Variants in PCNX2 observed in about 807,000 individuals in gnomAD.
PCNX2 encodes the protein pecanex-like protein 2.
A neutral mutation model predicts 223.8 loss-of-function variants in PCNX2; 168 were observed. The ratio of observed to expected loss-of-function variants is 0.75; its 90% confidence interval spans 0.66 to 0.85. The LOEUF is 0.85. Ranked by LOEUF, PCNX2 falls within the 40% of genes least tolerant of loss-of-function variation. PCNX2 has a pLI of 0.00. For synonymous variants in PCNX2, 1,006 were observed against 1,052.6 expected (o/e 0.96, Z 0.86); for missense variants, 2,507 against 2,675.5 (o/e 0.94, Z 1.39).
At chr1:233,261,598 A>AGTGGCTTCTTACAC (rs1660045372) in intron 3 of PCNX2, among the ~76,000 whole-genome samples, 1 of 152,228 alleles carries the variant, frequency 6.6e-6, no homozygotes, top group Non-Finnish European at 1.5e-5. Context: ...TACTTACACT[A>AGTGGCTTCTTACAC]TAGTGAATGG....
chr1:233,309,068 G>T, the PCNX2 span, among the ~76,000 whole-genome samples: 1 of 152,032 alleles, frequency 6.6e-6, no homozygotes, highest in Non-Finnish European at 1.5e-5. Flanking sequence ...AGACAAACAG[G>T]AAAAAATGTT....
At chr1:233,171,264 T>C (rs1192476548) in intron 17 of PCNX2, among the ~76,000 whole-genome samples, 3 of 152,204 alleles carry the variant, frequency 2.0e-5, no homozygotes, top group South Asian at 2.1e-4. Context: ...TTTTGTTCAC[T>C]TGCAAATCAG....
Position 233,019,144 on chromosome 1 carries a change from C to T in PCNX2, c.4606-1990G>A, listed in dbSNP as rs557120865. The T allele has an allele frequency of 1.5e-5, 15 of 985,392 alleles. No individual in the cohort carries two copies. The African/African-American group carries it at 2.4e-4, about 16-fold the overall frequency. 61.0% of individuals were successfully genotyped at this position (985,392 alleles called of 1,614,324 possible). ...ACAGTCTGTGATTTCCACTAAACAACTGCAAATGCATGACTTAGGCTCTCT... is the reference window on the plus strand; with the variant it reads ...ACAGTCTGTGATTTCCACTAAACAATTGCAAATGCATGACTTAGGCTCTCT... On this transcript the variant is annotated intron_variant, in intron 26 of 33. Coordinates refer to ENST00000258229, the MANE Select transcript of PCNX2 (RefSeq NM_014801.4).
intron 1 of PCNX2, among the ~76,000 whole-genome samples, chr1:233,263,951 G>A (rs900027579): frequency 6.6e-6 from 1 of 152,198 alleles, no homozygotes; most frequent in Non-Finnish European, 1.5e-5. Flanking sequence ...CTGCGATAAC[G>A]CCTGCAGGCC....
At chr1:233,155,161 G>C (rs149652356) in intron 19 of PCNX2, among the ~76,000 whole-genome samples, 2 of 151,950 alleles carry the variant, frequency 1.3e-5, no homozygotes, top group African/African-American at 4.8e-5. Flanking sequence ...CACTATCATA[G>C]TGCACTACAG....
At chr1:233,209,565 T>C (rs529435394) in intron 12 of PCNX2, among the ~76,000 whole-genome samples, 3 of 152,222 alleles carry the variant, frequency 2.0e-5, no homozygotes, top group Non-Finnish European at 4.4e-5. Context: ...TGGTTTCAGA[T>C]GTGAATTTTT....
At chr1:233,217,380 T>C (rs1049677061) in intron 12 of PCNX2, among the ~76,000 whole-genome samples, 5 of 152,212 alleles carry the variant, frequency 3.3e-5, no homozygotes, top group African/African-American at 1.2e-4. Context: ...CATATAATTA[T>C]ATCACTAATA....
intron 19 of PCNX2, among the ~76,000 whole-genome samples, chr1:233,143,971 A>G (rs1677275489): frequency 6.6e-6 from 1 of 152,104 alleles, no homozygotes; most frequent in Admixed American, 6.6e-5. Flanking sequence ...ATCTTCCATT[A>G]AAAATATACC....
At chr1:233,201,025 CAAA>C (rs760282445) in intron 13 of PCNX2, among the ~76,000 whole-genome samples, 4 of 25,676 alleles carry the variant, frequency 1.6e-4, no homozygotes, top group African/African-American at 6.7e-4. Flanking sequence ...GACTCCGTCT[CAAA>C]AAAAAAAAAA....
intron 19 of PCNX2, among the ~76,000 whole-genome samples, chr1:233,145,897 T>C (rs1048910073): frequency 6.6e-6 from 1 of 152,202 alleles, no homozygotes; most frequent in African/African-American, 2.4e-5. Flanking sequence ...ATTAGGTGTC[T>C]GCCAGACATT....
Position 232,991,793 on chromosome 1 carries a change from C to T in PCNX2, c.5792-5253G>A, listed in dbSNP as rs545823212. On this transcript the variant is annotated intron_variant, in intron 32 of 33. Transcript: ENST00000258229. This position sits in a 1 kb window ranked among gnomAD's most constrained non-coding sequence, Gnocchi z 4.3. ...CTGGACCCCACTCCCCTCCAGCCCT[C>T]AGGAGGAACCAAGCCTGCCCACACC... Among the ~76,000 whole-genome samples the T allele has an allele frequency of 2.2e-4, 33 of 152,236 alleles. No individual in the cohort carries two copies. Among genetic ancestry groups the T allele is most frequent in the African/African-American group, 7.2e-4 (30 of 41,554 alleles).
Position 233,284,744 on chromosome 1 carries a change from T to C in PCNX2, c.153+10582A>G, listed in dbSNP as rs567495106. ...TTAGTCTCTCAGGCACAGGGTAGAATTGCACTATCCTTCCCCTTTGAAGTG... is the reference window on the plus strand; with the variant it reads ...TTAGTCTCTCAGGCACAGGGTAGAACTGCACTATCCTTCCCCTTTGAAGTG... On this transcript the variant is annotated intron_variant, in intron 1 of 33. Transcript: ENST00000258229. Among the ~76,000 whole-genome samples the C allele has an allele frequency of 3.3e-5, 5 of 152,278 alleles. No individual in the cohort carries two copies. The East Asian group carries it at 5.8e-4, about 18-fold the overall frequency.
chr1:233,316,012 T>C, the PCNX2 span, among the ~76,000 whole-genome samples: 1 of 152,230 alleles, frequency 6.6e-6, no homozygotes, highest in Non-Finnish European at 1.5e-5. Context: ...ATGAGCTTGA[T>C]AGTTTACTTC....
intron 23 of PCNX2, among the ~76,000 whole-genome samples, chr1:233,080,154 G>T (rs77354855): frequency 6.6e-6 from 1 of 152,062 alleles, no homozygotes; most frequent in African/African-American, 2.4e-5. Context: ...TTCAAACTTC[G>T]ATCTCTTTTC....
chr1:233,242,496 T>C (rs1474774629), intron 8 of PCNX2, among the ~76,000 whole-genome samples: 2 of 152,214 alleles, frequency 1.3e-5, no homozygotes, highest in African/African-American at 4.8e-5. Context: ...ATATGCATTT[T>C]GCATGCATTT....
intron 17 of PCNX2, among the ~76,000 whole-genome samples, chr1:233,166,566 A>G (rs1228907494): frequency 6.6e-6 from 1 of 152,226 alleles, no homozygotes; most frequent in African/African-American, 2.4e-5. Flanking sequence ...CATGATAAAA[A>G]GTTCTGAACA....
chr1:232,993,264 G>A (rs1054059302), intron 32 of PCNX2, among the ~76,000 whole-genome samples: 4 of 152,206 alleles, frequency 2.6e-5, no homozygotes, highest in African/African-American at 9.7e-5. Context: ...CTCAGATGAA[G>A]ATGAGAAACT....
intron 23 of PCNX2, among the ~76,000 whole-genome samples, chr1:233,075,268 C>A (rs1191115840): frequency 6.6e-6 from 1 of 152,190 alleles, no homozygotes; most frequent in Non-Finnish European, 1.5e-5. Flanking sequence ...ACTAATGACA[C>A]ATACAACTTG....
intron 16 of PCNX2, among the ~76,000 whole-genome samples, chr1:233,178,303 T>C (rs1285931758): frequency 6.6e-6 from 1 of 152,244 alleles, no homozygotes; most frequent in Non-Finnish European, 1.5e-5. Context: ...TTCACACTAC[T>C]GCACCTCATG....
Sources: allele counts gnomAD v4.1 joint callset (sites outside exome capture counted in the v4.1 genomes callset), GRCh38; gene constraint gnomAD v4.1.1; non-coding constraint Gnocchi (gnomAD v3.1); transcripts MANE v1.5; gene names NCBI Gene and HGNC (gene_info 2026-07-23, HGNC 2026-07-21).